OPCML: variants seen among roughly 807,000 people sequenced by gnomAD.
OPCML encodes the protein opioid binding protein/cell adhesion molecule like.
Under a neutral mutation model 37.8 loss-of-function variants are expected in OPCML, and 13 were observed. That is an observed-to-expected ratio of 0.34 (90% CI 0.22 to 0.55). The LOEUF is 0.55. Among genes scored for constraint, OPCML ranks in the 20% least tolerant of loss-of-function variants. The pLI is 0.91. For synonymous variants in OPCML, 176 were observed against 168.8 expected, an observed-to-expected ratio of 1.04 and a Z score of -0.33; for missense variants, 341 against 435.6, an observed-to-expected ratio of 0.78 and a Z score of 1.93.
chr11:133,093,421 G>A (rs894718584), intron 1 of OPCML, among the ~76,000 whole-genome samples: 5 of 151,964 alleles, frequency 3.3e-5, no homozygotes, highest in African/African-American at 4.8e-5. Flanking sequence ...TTTAAGCCCC[G>A]CGTACATTAG....
At chr11:132,821,179 G>A (rs879095915) in intron 2 of OPCML, among the ~76,000 whole-genome samples, 1 of 152,216 alleles carries the variant, frequency 6.6e-6, no homozygotes, top group African/African-American at 2.4e-5. Flanking sequence ...TGGACTGTTA[G>A]CATGACACTG....
At chr11:133,095,313 C>G (rs1363207519) in intron 1 of OPCML, among the ~76,000 whole-genome samples, 2 of 90,792 alleles carry the variant, frequency 2.2e-5, no homozygotes, top group African/African-American at 9.4e-5. Flanking sequence ...TGCAGCTGCA[C>G]GTGTATTTTT....
intron 1 of OPCML, among the ~76,000 whole-genome samples, chr11:133,090,287 G>C (rs1948884296): frequency 6.6e-6 from 1 of 152,088 alleles, no homozygotes; most frequent in Admixed American, 6.6e-5. Flanking sequence ...ACCTAAAATG[G>C]GGACATGGCT....
chr11:132,951,064 G>A (rs1435600518), intron 1 of OPCML, among the ~76,000 whole-genome samples: 2 of 152,138 alleles, frequency 1.3e-5, no homozygotes, highest in Non-Finnish European at 2.9e-5. Context: ...AGCAAACACA[G>A]GGCAGTCGGG....
chr11:133,410,399 C>A (rs1037543549), intron 1 of OPCML, among the ~76,000 whole-genome samples: 5 of 151,986 alleles, frequency 3.3e-5, no homozygotes, highest in Non-Finnish European at 5.9e-5. Flanking sequence ...ATGACTACAT[C>A]TGTGGTTGTT....
intron 2 of OPCML, among the ~76,000 whole-genome samples, chr11:132,869,091 G>C (rs1435346102): frequency 2.6e-5 from 4 of 152,154 alleles, no homozygotes; most frequent in African/African-American, 7.2e-5. Context: ...AAGCACCACT[G>C]GGGGAGAAAG....
chr11:132,938,794 G>C (rs372069838), intron 2 of OPCML, among the ~76,000 whole-genome samples: 3 of 152,248 alleles, frequency 2.0e-5, no homozygotes, highest in African/African-American at 7.2e-5. Flanking sequence ...AAGCAGGGAC[G>C]CTGGATAAGC....
intron 4 of OPCML, among the ~76,000 whole-genome samples, chr11:132,499,458 G>A (rs550472931): frequency 2.6e-5 from 4 of 152,306 alleles, no homozygotes; most frequent in Non-Finnish European, 5.9e-5. Flanking sequence ...AGATATCCAA[G>A]AGCAAAAGGA....
intron 1 of OPCML, among the ~76,000 whole-genome samples, chr11:133,480,439 G>T (rs940806023): frequency 6.6e-6 from 1 of 152,160 alleles, no homozygotes; most frequent in South Asian, 2.1e-4. Context: ...GTGTGTGCTC[G>T]TCCCATCCTT....
At chr11:133,401,578 T>G (rs970464396) in intron 1 of OPCML, among the ~76,000 whole-genome samples, 1 of 152,200 alleles carries the variant, frequency 6.6e-6, no homozygotes, top group Admixed American at 6.5e-5. Context: ...TTGATATTGA[T>G]ATTATTATTA....
chr11:133,325,073 G>A (rs1943416306), intron 1 of OPCML, among the ~76,000 whole-genome samples: 2 of 152,146 alleles, frequency 1.3e-5, no homozygotes, highest in African/African-American at 4.8e-5. Context: ...GGAGAGGGGA[G>A]GGGAGACGAA....
At chr11:133,347,514 G>A (rs1944030731) in intron 1 of OPCML, among the ~76,000 whole-genome samples, 1 of 152,176 alleles carries the variant, frequency 6.6e-6, no homozygotes. Flanking sequence ...GGCTCTTAGG[G>A]AAGTGTTTTT....
At chr11:132,756,956 A>T (rs1946070224) in intron 2 of OPCML, among the ~76,000 whole-genome samples, 1 of 151,880 alleles carries the variant, frequency 6.6e-6, no homozygotes, top group Non-Finnish European at 1.5e-5. Flanking sequence ...ACAGGCCCTG[A>T]TGTGTGATGT....
chr11:133,077,039 C>T (rs1216527564), intron 1 of OPCML, among the ~76,000 whole-genome samples: 5 of 151,998 alleles, frequency 3.3e-5, no homozygotes, highest in East Asian at 1.9e-4. Flanking sequence ...TGCAGGTGGC[C>T]GAGGCCTTGT....
chr11:132,476,413 C>T (rs913527417), intron 4 of OPCML, among the ~76,000 whole-genome samples: 1 of 152,040 alleles, frequency 6.6e-6, no homozygotes, highest in East Asian at 1.9e-4. Context: ...CGGCACTATT[C>T]ACAATAGCAA....
chr11:132,457,091 G>A (rs778283726), intron 4 of OPCML, among the ~76,000 whole-genome samples: 2 of 152,120 alleles, frequency 1.3e-5, no homozygotes, highest in Admixed American at 6.5e-5. Flanking sequence ...GCTGAGACCC[G>A]AGCTGAGACC....
chr11:133,236,113 A>T (rs1201341026), intron 1 of OPCML, among the ~76,000 whole-genome samples: 1 of 152,188 alleles, frequency 6.6e-6, no homozygotes, highest in Non-Finnish European at 1.5e-5. Flanking sequence ...AACAATGATG[A>T]CCATATGACA....
intron 1 of OPCML, among the ~76,000 whole-genome samples, chr11:133,069,382 G>A (rs2137005723): frequency 6.6e-6 from 1 of 152,266 alleles, no homozygotes; most frequent in Admixed American, 6.5e-5. Context: ...TGTTTTCGAA[G>A]GTTCATCTCA....
intron 1 of OPCML, among the ~76,000 whole-genome samples, chr11:133,313,266 C>T (rs1943110455): frequency 6.6e-6 from 1 of 152,118 alleles, no homozygotes; most frequent in South Asian, 2.1e-4. Context: ...GAATGAATGA[C>T]ATATTCAGGA....
Sources: allele counts gnomAD v4.1 joint callset (sites outside exome capture counted in the v4.1 genomes callset), GRCh38; gene constraint gnomAD v4.1.1; transcripts MANE v1.5; gene names NCBI Gene and HGNC (gene_info 2026-07-23, HGNC 2026-07-21).